The following KCND2 variants were observed in gnomAD, a reference collection of about 807,000 sequenced individuals.
KCND2 encodes A-type voltage-gated potassium channel KCND2.
KCND2 carries 16 observed loss-of-function variants against 54.4 expected under a neutral mutation model. The ratio of observed to expected loss-of-function variants is 0.29; its 90% CI spans 0.20 to 0.45. KCND2 has a LOEUF of 0.45. Ranked by LOEUF, KCND2 falls within the 20% of genes least tolerant of loss-of-function variation. KCND2 has a pLI of 1.00. For missense variants in KCND2, 486 were observed against 824.2 expected, an observed-to-expected ratio of 0.59 and a Z score of 5.02; for synonymous variants, 317 against 310.7, an observed-to-expected ratio of 1.02 and a Z score of -0.21.
At chr7:120,732,778 A>G (rs1187239271) in intron 1 of KCND2, 125 bp from the exon 2 acceptor site, 5 of 698,078 alleles carry the variant, frequency 7.2e-6, no homozygotes, top group Non-Finnish European at 9.9e-6. Flanking sequence ...TATATATTAT[A>G]GTCACAAAGT....
intron 1 of KCND2, among the ~76,000 whole-genome samples, chr7:120,711,522 C>A (rs1255817466): frequency 6.6e-6 from 1 of 152,062 alleles, no homozygotes; most frequent in Non-Finnish European, 1.5e-5. Flanking sequence ...CTTATGAAAA[C>A]AAGTAGAACT....
chr7:120,541,485 G>A (rs1334721363), intron 1 of KCND2, among the ~76,000 whole-genome samples: 1 of 152,048 alleles, frequency 6.6e-6, no homozygotes, highest in East Asian at 1.9e-4. Context: ...ACTAAAAGTA[G>A]CTGCAACAGG....
intron 1 of KCND2, among the ~76,000 whole-genome samples, chr7:120,368,616 A>G (rs1800720285): frequency 6.6e-6 from 1 of 152,070 alleles, no homozygotes; most frequent in Non-Finnish European, 1.5e-5. Context: ...CTAAGTGCGT[A>G]AGCTCTCCAT....
chr7:120,466,814 G>A (rs1323582994), intron 1 of KCND2, among the ~76,000 whole-genome samples: 1 of 152,112 alleles, frequency 6.6e-6, no homozygotes, highest in Non-Finnish European at 1.5e-5. Context: ...GTACACAGGA[G>A]TCCTGCATTC....
intron 1 of KCND2, among the ~76,000 whole-genome samples, chr7:120,410,143 A>G (rs191292568): frequency 2.6e-4 from 40 of 151,990 alleles, no homozygotes; most frequent in Non-Finnish European, 5.7e-4. Flanking sequence ...TGTTGAAAAG[A>G]TCATCTTTTT....
rs1214123660 is a variant in KCND2 at position 120,273,340 on chromosome 7, G to A, written c.-1293G>A. 4.7e-5 allele frequency among the ~76,000 whole-genome samples: 7 copies of A among 149,956 alleles called. No individual in the cohort carries two copies. Among genetic ancestry groups the A allele is most frequent in the East Asian group, 1.9e-4 (1 of 5,164 alleles). ...GCCCCCGCGCTGCCGAGCGCCTTCT[G>A]CCTCCGCGCTCGGACGAGAGCCCGT... On this transcript the variant is annotated 5_prime_UTR_variant, in exon 1 of 6. Coordinates refer to ENST00000331113, the MANE Select transcript of KCND2 (RefSeq NM_012281.3).
At chr7:120,350,024 A>G (rs1800379115) in intron 1 of KCND2, among the ~76,000 whole-genome samples, 1 of 151,954 alleles carries the variant, frequency 6.6e-6, no homozygotes, top group South Asian at 2.1e-4. Context: ...TTATTGGATA[A>G]GACTTTTATA....
At chr7:120,316,167 C>T (rs1300708925) in intron 1 of KCND2, among the ~76,000 whole-genome samples, 4 of 152,096 alleles carry the variant, frequency 2.6e-5, no homozygotes, top group African/African-American at 7.2e-5. Flanking sequence ...AAAGAAAAAA[C>T]TATACTCTTT....
In KCND2 at chr7:120,284,091, AG is replaced by A. The variant is rs372529220; in HGVS notation, c.1115+8347del. ...ATTAACAACATAAAAATGCAAAAAA[AG>A]GGTATGCTTTCCAGATGAACAAATT... On this transcript the variant is annotated intron_variant, in intron 1 of 5. Transcript: ENST00000331113. Among the ~76,000 whole-genome samples the A allele has an allele frequency of 5.0e-3, 758 of 152,298 alleles. 2 individuals carry two copies. Among genetic ancestry groups the A allele is most frequent in the African/African-American group, 0.017 (697 of 41,574 alleles).
chr7:120,308,355 G>A (rs1799678876), intron 1 of KCND2, among the ~76,000 whole-genome samples: 1 of 152,070 alleles, frequency 6.6e-6, no homozygotes, highest in Non-Finnish European at 1.5e-5. Flanking sequence ...TACTGAAATA[G>A]TTCCAAGCAG....
At chr7:120,380,694 AGTT>A (rs1199412693) in intron 1 of KCND2, among the ~76,000 whole-genome samples, 1 of 151,970 alleles carries the variant, frequency 6.6e-6, no homozygotes, top group Non-Finnish European at 1.5e-5. Flanking sequence ...AAAAATATCC[AGTT>A]GTTATATAGA....
At chr7:120,416,849 C>G (rs1801531857) in intron 1 of KCND2, among the ~76,000 whole-genome samples, 1 of 151,508 alleles carries the variant, frequency 6.6e-6, no homozygotes, top group African/African-American at 2.4e-5. Context: ...ATTTAGAAAG[C>G]CTTGTTTTTC....
At chr7:120,720,631 C>T (rs554897057) in intron 1 of KCND2, among the ~76,000 whole-genome samples, 1 of 152,234 alleles carries the variant, frequency 6.6e-6, no homozygotes, top group Admixed American at 6.5e-5. Flanking sequence ...CAGTTGCTCA[C>T]ACTCCTTTAT....
intron 1 of KCND2, among the ~76,000 whole-genome samples, chr7:120,291,078 T>A (rs917821293): frequency 6.6e-6 from 1 of 152,048 alleles, no homozygotes; most frequent in African/African-American, 2.4e-5. Context: ...GTAATCATTG[T>A]GGCACAAGTA....
chr7:120,295,295 T>TA (rs1799492047), intron 1 of KCND2, among the ~76,000 whole-genome samples: 1 of 151,214 alleles, frequency 6.6e-6, no homozygotes, highest in Non-Finnish European at 1.5e-5. Flanking sequence ...GTGTTAATGA[T>TA]ACAACGATTA....
At chr7:120,693,951 C>T (rs548889951) in intron 1 of KCND2, among the ~76,000 whole-genome samples, 5 of 152,210 alleles carry the variant, frequency 3.3e-5, no homozygotes, top group South Asian at 2.1e-4. Flanking sequence ...TTTGGGATGC[C>T]GAGATGGGTG....
Position 120,403,410 on chromosome 7 carries a change from G to A in KCND2, c.1115+127663G>A, listed in dbSNP as rs557284702. 1.1e-4 allele frequency among the ~76,000 whole-genome samples: 17 copies of A among 150,906 alleles called. No individual in the cohort carries two copies. The East Asian group carries it at 3.1e-3, about 28-fold the overall frequency. On this transcript the variant is annotated intron_variant, in intron 1 of 5. Coordinates refer to ENST00000331113, the MANE Select transcript of KCND2 (RefSeq NM_012281.3). Reference sequence around the variant, plus strand: ...TGGCTTACTGCAACCTCTGCCTCCCGTGTTCAAGCAATTCTCCTGCCTCAG... The same window carrying A: ...TGGCTTACTGCAACCTCTGCCTCCCATGTTCAAGCAATTCTCCTGCCTCAG...
chr7:120,371,301 G>A (rs1800761527), intron 1 of KCND2, among the ~76,000 whole-genome samples: 1 of 151,984 alleles, frequency 6.6e-6, no homozygotes, highest in Non-Finnish European at 1.5e-5. Flanking sequence ...TACCACAGGG[G>A]CACTGCCTTA....
At chr7:120,665,657 G>A (rs1344807503) in intron 1 of KCND2, among the ~76,000 whole-genome samples, 1 of 151,950 alleles carries the variant, frequency 6.6e-6, no homozygotes, top group African/African-American at 2.4e-5. Flanking sequence ...TTTCTGTGCT[G>A]CTTTTACCAA....
Sources: allele counts gnomAD v4.1 joint callset (sites outside exome capture counted in the v4.1 genomes callset), GRCh38; gene constraint gnomAD v4.1.1; transcripts MANE v1.5; gene names NCBI Gene and HGNC (gene_info 2026-07-23, HGNC 2026-07-21).